The following SLC4A4 variants were observed in gnomAD, a reference collection of about 807,000 sequenced individuals.
The protein encoded by SLC4A4 is electrogenic sodium bicarbonate cotransporter 1.
SLC4A4 carries 27 observed loss-of-function variants against 111.5 expected under a neutral mutation model. That is an observed-to-expected ratio of 0.24 (90% confidence interval 0.18 to 0.33). SLC4A4 has a LOEUF of 0.33. Among genes scored for constraint, SLC4A4 ranks in the 10% least tolerant of loss-of-function variants. The pLI, the probability that SLC4A4 is intolerant of heterozygous loss-of-function variation, is 1.00. For synonymous variants in SLC4A4, 443 were observed against 463.4 expected (o/e 0.96, Z 0.57); for missense variants, 909 against 1,315.5 (o/e 0.69, Z 4.78).
intron 7 of SLC4A4, among the ~76,000 whole-genome samples, chr4:71,411,658 A>G (rs950241972): frequency 6.6e-6 from 1 of 152,208 alleles, no homozygotes; most frequent in African/African-American, 2.4e-5. Flanking sequence ...TAAGTGACAG[A>G]TACTGTATGT....
chr4:71,199,467 T>G, intron 1 of SLC4A4, among the ~76,000 whole-genome samples: 1 of 152,270 alleles, frequency 6.6e-6, no homozygotes, highest in Admixed American at 6.5e-5. Flanking sequence ...TGCAATATAT[T>G]TTATTTTGGG....
intron 16 of SLC4A4, among the ~76,000 whole-genome samples, chr4:71,501,497 T>C (rs1730918217): frequency 6.6e-6 from 1 of 151,812 alleles, no homozygotes; most frequent in African/African-American, 2.4e-5. Flanking sequence ...TAAGTATCTC[T>C]TAGAGTTTTT....
intron 1 of SLC4A4, among the ~76,000 whole-genome samples, chr4:71,084,374 C>A (rs76340168): frequency 6.6e-6 from 1 of 152,024 alleles, no homozygotes; most frequent in Admixed American, 6.5e-5. Flanking sequence ...TTTAAACCCA[C>A]ACCAAATGAC....
chr4:71,488,890 G>GTGTA (rs2149134854), intron 15 of SLC4A4, among the ~76,000 whole-genome samples: 1 of 92,422 alleles, frequency 1.1e-5, no homozygotes, highest in East Asian at 2.1e-4. Flanking sequence ...AAGAAAAAAT[G>GTGTA]TGTGTGTGTG....
intron 3 of SLC4A4, among the ~76,000 whole-genome samples, chr4:71,337,784 C>T (rs868529801): frequency 8.2e-5 from 12 of 146,062 alleles, no homozygotes; most frequent in Non-Finnish European, 1.4e-4. Flanking sequence ...CCCTTGCCCA[C>T]GTTGGGATTA....
chr4:71,229,881 C>A (rs1719302205), intron 1 of SLC4A4, among the ~76,000 whole-genome samples: 1 of 146,342 alleles, frequency 6.8e-6, no homozygotes, highest in South Asian at 2.3e-4. Context: ...CTTTTTCTTG[C>A]CCTTTGGTTC....
intron 2 of SLC4A4, among the ~76,000 whole-genome samples, chr4:71,149,876 G>A (rs926491876): frequency 6.6e-6 from 1 of 152,106 alleles, no homozygotes; most frequent in African/African-American, 2.4e-5. Context: ...ATCAAATGGA[G>A]CCCCTAAATC....
chr4:71,266,515 A>G (rs1722271969), intron 3 of SLC4A4, among the ~76,000 whole-genome samples: 1 of 152,204 alleles, frequency 6.6e-6, no homozygotes, highest in South Asian at 2.1e-4. Context: ...ATCTTCTTAA[A>G]TGGAAAAATA....
Position 71,441,734 on chromosome 4 carries a change from G to C in SLC4A4, c.965+961G>C, listed in dbSNP as rs937062502. On this transcript the variant is annotated intron_variant, in intron 8 of 25. Coordinates refer to ENST00000264485, the MANE Select transcript of SLC4A4 (RefSeq NM_001098484.3). The stretch of plus-strand genomic sequence containing the variant: ...AAAATTAAGAGAAAATTTCCTTTAG[G>C]CTTCTTAATTCATAGATTGCAGGCT... Among the ~76,000 whole-genome samples the C allele has an allele frequency of 4.6e-5, 7 of 152,044 alleles. 1 individual carries two copies. The highest frequency in any genetic ancestry group is 1.3e-4 in the Admixed American group (2 of 15,260).
intron 3 of SLC4A4, among the ~76,000 whole-genome samples, chr4:71,338,133 A>G (rs991469135): frequency 9.2e-5 from 14 of 152,044 alleles, no homozygotes; most frequent in Middle Eastern, 3.2e-3. Context: ...GCGCCCTGCC[A>G]TTTTTTGACA....
At chr4:71,115,481 T>G (rs1743220546) in intron 2 of SLC4A4, among the ~76,000 whole-genome samples, 1 of 152,168 alleles carries the variant, frequency 6.6e-6, no homozygotes, top group African/African-American at 2.4e-5. Flanking sequence ...TGAGAACAGT[T>G]AGACATACTG....
At chr4:71,386,298 T>C (rs1718712167) in intron 6 of SLC4A4, among the ~76,000 whole-genome samples, 1 of 152,140 alleles carries the variant, frequency 6.6e-6, no homozygotes, top group African/African-American at 2.4e-5. Context: ...TTTTTTTGGT[T>C]TATTTTATTT....
intron 3 of SLC4A4, among the ~76,000 whole-genome samples, chr4:71,298,259 A>T (rs564343477): frequency 6.6e-6 from 1 of 152,330 alleles, no homozygotes; most frequent in East Asian, 1.9e-4. Flanking sequence ...AGCTTGGGTC[A>T]TCAAAAGGTA....
chr4:71,546,397 G>A lies in SLC4A4; in HGVS notation c.2490G>A (p.Met830Ile). The A allele has an allele frequency of 6.2e-7, 1 of 1,612,878 alleles. No homozygotes were observed. The highest frequency in any genetic ancestry group is 2.2e-5 in the East Asian group (1 of 44,820). The part of the protein sequence containing the change: ...HLDLFWVAIL[M>I]VICSLMALPW... ...ATCTCTTTTGGGTGGCCATCCTCAT[G>A]GTTATATGCTCCCTCATGGCTCTTC... is the stretch of plus-strand genomic sequence containing the variant. Residue 830 changes from methionine (M) to isoleucine (I), a missense_variant, in exon 19 of 26, where the codon ATG (methionine) becomes ATA (isoleucine). Met to Ile is a conservative substitution (Grantham distance 10). Around this residue, in one of 7 missense-constraint regions of SLC4A4, gnomAD observed 264 missense variants for 356.8 expected, o/e 0.74. Coordinates refer to ENST00000264485, the MANE Select transcript of SLC4A4 (RefSeq NM_001098484.3).
intron 2 of SLC4A4, among the ~76,000 whole-genome samples, chr4:71,249,236 G>A (rs956063836): frequency 7.9e-5 from 12 of 151,940 alleles, no homozygotes; most frequent in African/African-American, 2.9e-4. Flanking sequence ...TGTGTAATAG[G>A]TAGCGTTAAA....
At chr4:71,190,790 A>C (rs185143699) in intron 1 of SLC4A4, among the ~76,000 whole-genome samples, 1 of 152,240 alleles carries the variant, frequency 6.6e-6, no homozygotes, top group Non-Finnish European at 1.5e-5. Context: ...TAATGGCTTT[A>C]CTTGCTGTGG....
At chr4:71,534,148 G>A in intron 17 of SLC4A4, 79 bp from the exon 18 acceptor site, 1 of 1,171,212 alleles carries the variant, frequency 8.5e-7, no homozygotes, top group Non-Finnish European at 1.3e-6. Context: ...ATAAAAGCAT[G>A]TCTTCCCGTT....
chr4:71,321,535 C>G (rs1727120011), intron 3 of SLC4A4, among the ~76,000 whole-genome samples: 3 of 151,906 alleles, frequency 2.0e-5, no homozygotes, highest in Admixed American at 2.0e-4. Context: ...ATACCACAGA[C>G]TTGGTAATTT....
intron 2 of SLC4A4, among the ~76,000 whole-genome samples, chr4:71,141,551 G>C (rs974592011): frequency 1.3e-5 from 2 of 152,056 alleles, no homozygotes; most frequent in African/African-American, 4.8e-5. Context: ...TGCCTGGCTT[G>C]CTCCCTCTCA....
Sources: gnomAD v4.1 joint callset for allele counts (sites outside exome capture counted in the v4.1 genomes callset) on GRCh38, gnomAD v4.1.1 for gene constraint, gnomAD v4.1.1 regional missense constraint, MANE v1.5 for transcripts, NCBI Gene and HGNC (gene_info 2026-07-23, HGNC 2026-07-21) for gene names.